Variants in DMD observed in about 807,000 individuals in gnomAD.
DMD encodes mutant dystrophin.
Under a neutral mutation model 330.1 loss-of-function variants are expected in DMD, and 63 were observed. The ratio of observed to expected loss-of-function variants is 0.19; its 90% CI spans 0.16 to 0.24. The LOEUF (loss-of-function observed/expected upper bound fraction) is 0.24. Among genes scored for constraint, DMD ranks in the 10% least tolerant of loss-of-function variants. The pLI is 1.00. For synonymous variants in DMD, 1,223 were observed against 959.8 expected, an observed-to-expected ratio of 1.27 and a Z score of -5.07; for missense variants, 3,344 against 2,684.1, an observed-to-expected ratio of 1.25 and a Z score of -5.43.
intron 44 of DMD, among the ~76,000 whole-genome samples, chrX:32,007,372 C>T (rs972706301): frequency 9.1e-6 from 1 of 109,359 alleles, no homozygotes; most frequent in African/African-American, 3.3e-5. Flanking sequence ...CTGGAAGAGG[C>T]AAGGAAGAAT....
intron 44 of DMD, among the ~76,000 whole-genome samples, chrX:32,178,982 C>A (rs1412786395): frequency 9.7e-6 from 1 of 102,670 alleles, no homozygotes; most frequent in Non-Finnish European, 2.0e-5. Context: ...CTCTCTCTCT[C>A]CCTCTCCTCC....
At chrX:32,136,101 C>T (rs1356276318) in intron 44 of DMD, among the ~76,000 whole-genome samples, 1 of 112,391 alleles carries the variant, frequency 8.9e-6, no homozygotes, top group East Asian at 2.8e-4. Flanking sequence ...TTAAAATGTT[C>T]TGCTATTTAA....
intron 55 of DMD, among the ~76,000 whole-genome samples, chrX:31,622,970 A>T (rs1281450110): frequency 9.3e-6 from 1 of 107,232 alleles, no homozygotes; most frequent in African/African-American, 3.4e-5. Context: ...CAAAATAAAA[A>T]TATCAAAATT....
At chrX:31,979,819 G>T (rs1424801604) in intron 44 of DMD, among the ~76,000 whole-genome samples, 1 of 112,077 alleles carries the variant, frequency 8.9e-6, no homozygotes, top group Non-Finnish European at 1.9e-5. Context: ...GAAAATGTCT[G>T]TCATTCCCAG....
intron 47 of DMD, among the ~76,000 whole-genome samples, chrX:31,892,353 G>A (rs958946144): frequency 9.0e-6 from 1 of 110,677 alleles, no homozygotes; most frequent in Non-Finnish European, 1.9e-5. Context: ...GAACTTCACC[G>A]GTTAATATGG....
intron 1 of DMD, among the ~76,000 whole-genome samples, chrX:33,292,886 A>C (rs2053532391): frequency 9.1e-6 from 1 of 110,159 alleles, no homozygotes; most frequent in African/African-American, 3.3e-5. Context: ...CACACAAGTC[A>C]ATTTTTCTGC....
At position 31,587,478 on chromosome X, in the gene DMD, A is replaced by G. The variant is rs150156205; in HGVS notation, c.8217+40195T>C. Among the ~76,000 whole-genome samples the G allele has an allele frequency of 3.6e-3, 405 of 112,491 alleles. 3 individuals are homozygous for G. Among genetic ancestry groups the G allele is most frequent in the African/African-American group, 0.012 (382 of 31,023 alleles). On this transcript the variant is annotated intron_variant, in intron 55 of 78. Coordinates refer to ENST00000357033, the MANE Select transcript of DMD (RefSeq NM_004006.3). ...TATCAATTTAAACAAGATAATTAAAAATCAGTTGTATTACTTAAGTTGCTT... is the reference window on the plus strand; with the variant it reads ...TATCAATTTAAACAAGATAATTAAAGATCAGTTGTATTACTTAAGTTGCTT...
chrX:32,334,586 T>C (rs12014140), intron 41 of DMD, among the ~76,000 whole-genome samples: 3,122 of 111,803 alleles, frequency 0.028, 106 homozygotes, highest in African/African-American at 0.096. Flanking sequence ...ACAGTTCTGT[T>C]ATTACTTTTC....
intron 9 of DMD, among the ~76,000 whole-genome samples, chrX:32,689,922 T>A (rs866185815): frequency 7.2e-5 from 8 of 110,774 alleles, no homozygotes; most frequent in Middle Eastern, 9.3e-3. Flanking sequence ...GTAAAAGCCA[T>A]ATATAAAAAG....
chrX:32,782,880 T>C (rs1247929451), intron 7 of DMD, among the ~76,000 whole-genome samples: 1 of 106,512 alleles, frequency 9.4e-6, no homozygotes, highest in Non-Finnish European at 1.9e-5. Flanking sequence ...CACACACACG[T>C]ATATATATAC....
intron 55 of DMD, among the ~76,000 whole-genome samples, chrX:31,624,379 T>C (rs1331472917): frequency 1.8e-5 from 2 of 112,171 alleles, no homozygotes; most frequent in African/African-American, 6.5e-5. Context: ...GAATTAATCA[T>C]GTTAATTCCA....
At chrX:33,318,800 ACCACAT>A (rs1470726462) in intron 1 of DMD, among the ~76,000 whole-genome samples, 1 of 110,639 alleles carries the variant, frequency 9.0e-6, no homozygotes, top group Non-Finnish European at 1.9e-5. Flanking sequence ...AATTGGCCTT[ACCACAT>A]TCCAAAATCC....
chrX:33,230,966 A>AT (rs1261050510), intron 1 of DMD, among the ~76,000 whole-genome samples: 18 of 102,412 alleles, frequency 1.8e-4, no homozygotes, highest in South Asian at 3.9e-4. Context: ...CCAAAAAAAA[A>AT]AAAAAATAAA....
intron 17 of DMD, among the ~76,000 whole-genome samples, chrX:32,540,682 C>T (rs1369627): frequency 0.46 from 50,656 of 110,536 alleles, 8,592 homozygotes; most frequent in East Asian, 0.59. Flanking sequence ...CTAAGTAAAA[C>T]ATAAAGAAGT....
intron 67 of DMD, among the ~76,000 whole-genome samples, chrX:31,193,234 A>G (rs183867028): frequency 1.0e-3 from 113 of 112,612 alleles, no homozygotes; most frequent in Non-Finnish European, 1.9e-3. Flanking sequence ...GTTCCCATAA[A>G]AGGATTGGTT....
intron 23 of DMD, among the ~76,000 whole-genome samples, chrX:32,465,559 CTT>C (rs5902032): frequency 2.3e-5 from 1 of 43,243 alleles, no homozygotes; most frequent in African/African-American, 7.8e-5. Context: ...TTGTTCAGGT[CTT>C]TTTTTTTTTG....
At chrX:32,398,031 G>C (rs751452535) in intron 30 of DMD, among the ~76,000 whole-genome samples, 12 of 110,847 alleles carry the variant, frequency 1.1e-4, no homozygotes, top group Non-Finnish European at 2.3e-4. Context: ...TTTTGAAATT[G>C]CTATTTTCAA....
At chrX:32,849,707 T>C (rs774045388) in intron 3 of DMD, 21 bp downstream of exon 3, 3 of 1,126,571 alleles carry the variant, frequency 2.7e-6, no homozygotes, top group Admixed American at 2.2e-5. Context: ...AAGTTAACTT[T>C]CTTAAAAATA....
intron 12 of DMD, among the ~76,000 whole-genome samples, chrX:32,604,753 C>T (rs1401516209): frequency 9.3e-6 from 1 of 108,096 alleles, no homozygotes; most frequent in African/African-American, 3.4e-5. Flanking sequence ...TTTCTATACA[C>T]CAATAATGAT....
Sources: allele counts gnomAD v4.1 joint callset (sites outside exome capture counted in the v4.1 genomes callset), GRCh38; gene constraint gnomAD v4.1.1; transcripts MANE v1.5; gene names NCBI Gene and HGNC (gene_info 2026-07-23, HGNC 2026-07-21).